Variants in KLRD1 observed in about 807,000 individuals in gnomAD.
The protein encoded by KLRD1 is natural killer cells antigen CD94.
In KLRD1, 21 loss-of-function variants were observed where a neutral mutation model predicts 22.6. The observed-to-expected ratio is 0.93, with a 90% CI of 0.66 to 1.34. KLRD1 has a LOEUF of 1.34. KLRD1 is among the 40% of genes most tolerant of loss of function. The pLI, the probability that KLRD1 is intolerant of heterozygous loss-of-function variation, is 0.00. For synonymous variants in KLRD1, 59 were observed against 71.1 expected, an observed-to-expected ratio of 0.83 and a Z score of 0.85; for missense variants, 183 against 208.6, an observed-to-expected ratio of 0.88 and a Z score of 0.76.
intron 1 of KLRD1, among the ~76,000 whole-genome samples, chr12:10,263,019 A>C (rs1032780504): frequency 6.6e-6 from 1 of 152,072 alleles, no homozygotes; most frequent in Non-Finnish European, 1.5e-5. Context: ...CAAACACCTT[A>C]GACGTAGTGT....
intron 1 of KLRD1, among the ~76,000 whole-genome samples, chr12:10,295,584 C>G (rs1949814348): frequency 6.6e-6 from 1 of 151,556 alleles, no homozygotes; most frequent in Admixed American, 6.6e-5. Flanking sequence ...GAATTTTGAA[C>G]AAATTATCTG....
intron 1 of KLRD1, among the ~76,000 whole-genome samples, chr12:10,293,427 G>C (rs1006329343): frequency 1.3e-5 from 2 of 151,612 alleles, no homozygotes; most frequent in African/African-American, 2.4e-5. Flanking sequence ...CAGTGTTGTT[G>C]TGTTTCAGGG....
chr12:10,273,690 A>G (rs1158453378), intron 1 of KLRD1, among the ~76,000 whole-genome samples: 1 of 152,212 alleles, frequency 6.6e-6, no homozygotes, highest in African/African-American at 2.4e-5. Context: ...AAAGATGATG[A>G]TCAACTTCAG....
intron 1 of KLRD1, among the ~76,000 whole-genome samples, chr12:10,239,181 T>C (rs4600303): frequency 0.99 from 150,327 of 152,322 alleles, 74,217 homozygotes; most frequent in South Asian, 1. Context: ...TCTAATGGGC[T>C]GGTGGCCAAG....
chr12:10,319,176 G>A lies in KLRD1; in HGVS notation c.*4383G>A, dbSNP rs1045567961. The A allele has an allele frequency of 2.0e-5, 3 of 152,156 alleles. No homozygotes were observed. Among genetic ancestry groups the A allele is most frequent in the Non-Finnish European group, 2.9e-5 (2 of 68,036 alleles). The allele number at this position is 152,156 out of a possible 1,614,324, so 9.4% of individuals were successfully genotyped here. A position where few individuals can be genotyped will look rare whatever the true frequency, so the allele number is the denominator to read the frequency against. On this transcript the variant is annotated 3_prime_UTR_variant, in exon 6 of 6. Coordinates refer to ENST00000336164, the MANE Select transcript of KLRD1 (RefSeq NM_002262.5). The stretch of plus-strand genomic sequence containing the variant: ...ATGGTGAGACAGATTTGGTCCACAG[G>A]CCATAGTTTGCCAACATGTGCCCAA...
At chr12:10,242,693 C>A (rs1275896836) in intron 1 of KLRD1, among the ~76,000 whole-genome samples, 6 of 152,168 alleles carry the variant, frequency 3.9e-5, no homozygotes, top group Non-Finnish European at 8.8e-5. Context: ...TCCACAGCCT[C>A]ACTAATACTT....
rs142222142 is a variant in KLRD1, at chr12:10,277,933, G to A, written c.-100-30045G>A. Among the ~76,000 whole-genome samples, 603 of 152,290 alleles carry A rather than the reference G, an allele frequency of 4.0e-3. 1 individual carries two copies. The highest frequency in any genetic ancestry group is 5.9e-3 in the Admixed American group (91 of 15,302). Reference sequence around the variant, plus strand: ...TGATTCCTTTCAGGTTAAATTTTGTGAAAGGTTTAAAGTCTGTGCACTATT... The same window carrying A: ...TGATTCCTTTCAGGTTAAATTTTGTAAAAGGTTTAAAGTCTGTGCACTATT... On this transcript the variant is annotated intron_variant, in intron 1 of 5. Transcript: ENST00000544747.
intron 1 of KLRD1, among the ~76,000 whole-genome samples, chr12:10,275,727 T>A (rs1414190248): frequency 6.6e-6 from 1 of 152,196 alleles, no homozygotes; most frequent in East Asian, 1.9e-4. Flanking sequence ...TTGTATATCC[T>A]CCACTCTTTT....
At chr12:10,291,228 A>G (rs1487249779) in intron 1 of KLRD1, among the ~76,000 whole-genome samples, 2 of 152,224 alleles carry the variant, frequency 1.3e-5, no homozygotes, top group Admixed American at 1.3e-4. Flanking sequence ...ATCTTGCCTC[A>G]TTGATGGCTG....
Position 10,311,451 on chromosome 12 carries a change from T to C in KLRD1, c.164-13T>C. Reference sequence around the variant, plus strand: ...CTCCAGTGTCATTAGTCATGCTTTATGTTTTCTGTCAGACTCTGACTGCTG... The same window carrying C: ...CTCCAGTGTCATTAGTCATGCTTTACGTTTTCTGTCAGACTCTGACTGCTG... On this transcript the variant is annotated splice_polypyrimidine_tract_variant and intron_variant, in intron 3 of 5. Coordinates refer to ENST00000336164, the MANE Select transcript of KLRD1 (RefSeq NM_002262.5). 1.2e-6 allele frequency: 2 copies of C among 1,610,170 alleles called. No homozygotes were observed. The highest frequency in any genetic ancestry group is 1.7e-6 in the Non-Finnish European group (2 of 1,176,734).
At chr12:10,310,027 CT>C (rs1437660434) in intron 3 of KLRD1, among the ~76,000 whole-genome samples, 14 of 152,212 alleles carry the variant, frequency 9.2e-5, no homozygotes, top group Non-Finnish European at 1.5e-5. Flanking sequence ...ATAACCTATA[CT>C]TTTGCATCTC....
intron 1 of KLRD1, among the ~76,000 whole-genome samples, chr12:10,239,866 T>G (rs902777904): frequency 6.6e-6 from 1 of 151,882 alleles, no homozygotes; most frequent in Non-Finnish European, 1.5e-5. Context: ...GGACTTGAAC[T>G]CCTGACCTGA....
chr12:10,256,084 C>T (rs182119432), intron 1 of KLRD1, among the ~76,000 whole-genome samples: 8 of 151,966 alleles, frequency 5.3e-5, no homozygotes, highest in Admixed American at 3.9e-4. Context: ...TATTCTTTGT[C>T]TTTTATATAT....
At chr12:10,306,179 AAAAC>A (rs1323325200), upstream of KLRD1, among the ~76,000 whole-genome samples, 1 of 151,626 alleles carries the variant, frequency 6.6e-6, no homozygotes, top group African/African-American at 2.4e-5. Flanking sequence ...CAAACAAACA[AAAAC>A]AAACAAAAAA....
intron 1 of KLRD1, among the ~76,000 whole-genome samples, chr12:10,245,154 T>A (rs1224799066): frequency 6.6e-6 from 1 of 151,844 alleles, no homozygotes. Flanking sequence ...GGTCACGAGT[T>A]CAAGACCAGC....
At chr12:10,254,390 C>T (rs1949373337) in intron 1 of KLRD1, among the ~76,000 whole-genome samples, 1 of 145,138 alleles carries the variant, frequency 6.9e-6, no homozygotes, top group South Asian at 2.2e-4. Flanking sequence ...CGAGATCGCG[C>T]CACTGCACTC....
chr12:10,290,667 A>G (rs1949759816), intron 1 of KLRD1, among the ~76,000 whole-genome samples: 1 of 152,228 alleles, frequency 6.6e-6, no homozygotes, highest in Non-Finnish European at 1.5e-5. Flanking sequence ...AAACTTATTA[A>G]AATGAAAATT....
rs1565478974 is a variant in KLRD1, at chr12:10,323,055, T to G, written c.*8262T>G. 1 of 152,236 alleles carries G rather than the reference T, an allele frequency of 6.6e-6. No homozygotes were observed. Among genetic ancestry groups the G allele is most frequent in the Admixed American group, 6.5e-5 (1 of 15,282 alleles). 9.4% of individuals were successfully genotyped at this position (152,236 alleles called of 1,614,324 possible). A position where few individuals can be genotyped will look rare whatever the true frequency, so the allele number is the denominator to read the frequency against. On this transcript the variant is annotated 3_prime_UTR_variant, in exon 6 of 6. Coordinates refer to ENST00000336164, the MANE Select transcript of KLRD1 (RefSeq NM_002262.5). ...ATAAGAATGTATCACAATTTGCTTATTTATTCTAATATTGTTCAACATTTG... is the reference window on the plus strand; with the variant it reads ...ATAAGAATGTATCACAATTTGCTTAGTTATTCTAATATTGTTCAACATTTG...
At chr12:10,305,412 A>G (rs1441396914), upstream of KLRD1, among the ~76,000 whole-genome samples, 1 of 152,208 alleles carries the variant, frequency 6.6e-6, no homozygotes, top group Non-Finnish European at 1.5e-5. Flanking sequence ...GGAATTGTGT[A>G]TGCAATAAAT....
Sources: gnomAD v4.1 joint callset for allele counts (sites outside exome capture counted in the v4.1 genomes callset) on GRCh38, gnomAD v4.1.1 for gene constraint, MANE v1.5 for transcripts, NCBI Gene and HGNC (gene_info 2026-07-23, HGNC 2026-07-21) for gene names.